CYB5B: variants seen among roughly 807,000 people sequenced by gnomAD.
CYB5B encodes the protein cytochrome b5 type B (outer mitochondrial membrane).
A neutral mutation model predicts 21.3 loss-of-function variants in CYB5B; 14 were observed. The observed-to-expected ratio is 0.66, with a 90% CI of 0.43 to 1.03. The LOEUF (loss-of-function observed/expected upper bound fraction) is 1.03, where lower values mean the gene tolerates loss of function less well. Among genes scored for constraint, CYB5B ranks in the 50% least tolerant of loss-of-function variants. The pLI is 0.00. For missense variants in CYB5B, 166 were observed against 185.1 expected, an observed-to-expected ratio of 0.90 and a Z score of 0.60; for synonymous variants, 69 against 68.4, an observed-to-expected ratio of 1.01 and a Z score of -0.04.
intron 1 of CYB5B, among the ~76,000 whole-genome samples, chr16:69,438,596 T>G (rs1463110796): frequency 1.0e-5 from 1 of 98,128 alleles, no homozygotes; most frequent in Non-Finnish European, 2.3e-5. Flanking sequence ...CGTTATGGTT[T>G]GATTTTCATT....
In CYB5B at chr16:69,465,197, AGCTGCTGCT is replaced by A. The variant is rs762583208; in HGVS notation, c.*2692_*2700del. The stretch of plus-strand genomic sequence containing the variant: ...CGGTTGTTTATTCCTGAGGAAGACT[AGCTGCTGCT>A]GCTGCTGCTGCTGCAAACTGTACTG... On this transcript the variant is annotated 3_prime_UTR_variant, in exon 5 of 5. Transcript: ENST00000307892. 17 of 157,270 alleles carry A rather than the reference AGCTGCTGCT, an allele frequency of 1.1e-4. No homozygotes were observed. The highest frequency in any genetic ancestry group is 9.8e-4 in the Admixed American group (15 of 15,324). The allele number at this position is 157,270 out of a possible 1,614,324, so 9.7% of individuals were successfully genotyped here.
At position 69,431,224 on chromosome 16, in the gene CYB5B, A is replaced by G. The variant is rs1298113064; in HGVS notation, c.174+6367A>G. ...GGCTGGTCTCGAACTCCTGACCTCA[A>G]GTGATCTGCCCACCTTGGCCTCCCA... On this transcript the variant is annotated intron_variant, in intron 1 of 4. Coordinates refer to ENST00000307892, the MANE Select transcript of CYB5B (RefSeq NM_030579.3). Among the ~76,000 whole-genome samples the G allele has an allele frequency of 6.2e-5, 9 of 144,112 alleles. No individual in the cohort carries two copies. The East Asian group carries it at 8.7e-4, about 14-fold the overall frequency. The allele number at this position is 144,112 out of a possible 152,430, so 94.5% of individuals were successfully genotyped here. A position where few individuals can be genotyped will look rare whatever the true frequency, so the allele number is the denominator to read the frequency against.
At chr16:69,449,896 G>A (rs2014915321) in intron 3 of CYB5B, 1 of 152,106 alleles carries the variant, frequency 6.6e-6, no homozygotes, top group African/African-American at 2.4e-5. Flanking sequence ...TAGGCCAAAG[G>A]ATTAGAGATT....
chr16:69,460,249 A>G (rs77145297), intron 4 of CYB5B, among the ~76,000 whole-genome samples: 4,249 of 152,252 alleles, frequency 0.028, 86 homozygotes, highest in East Asian at 0.063. Context: ...AAAAAAACCA[A>G]ACCTTATGCT....
chr16:69,459,266 T>C (rs2015010868), intron 4 of CYB5B, 145 bp downstream of exon 4: 1 of 1,038,268 alleles, frequency 9.6e-7, no homozygotes, highest in Non-Finnish European at 1.4e-6. Flanking sequence ...AATTCAGTTG[T>C]TCCTTGACAT....
intron 3 of CYB5B, among the ~76,000 whole-genome samples, chr16:69,452,146 G>A (rs912219568): frequency 1.3e-5 from 2 of 151,264 alleles, no homozygotes; most frequent in African/African-American, 4.9e-5. Context: ...CGGGCGCGGT[G>A]GCTCAAGCCT....
At position 69,424,872 on chromosome 16, in the gene CYB5B, G is replaced by T; in HGVS notation, c.174+15G>T. ...TCCTCAACGAGGTGGGGCCTGGGAGGTGGGAGGCCTCTGAAGCTGCTGGGG... is the reference window on the plus strand; with the variant it reads ...TCCTCAACGAGGTGGGGCCTGGGAGTTGGGAGGCCTCTGAAGCTGCTGGGG... On this transcript the variant is annotated intron_variant, in intron 1 of 4. Coordinates refer to ENST00000307892, the MANE Select transcript of CYB5B (RefSeq NM_030579.3). 1 of 1,557,896 alleles carries T rather than the reference G, an allele frequency of 6.4e-7. No individual in the cohort carries two copies. The highest frequency in any genetic ancestry group is 8.7e-7 in the Non-Finnish European group (1 of 1,150,078).
chr16:69,461,414 T>C (rs1293922048), intron 4 of CYB5B, among the ~76,000 whole-genome samples: 1 of 152,206 alleles, frequency 6.6e-6, no homozygotes, highest in African/African-American at 2.4e-5. Flanking sequence ...CTGGCTGATA[T>C]TCTAAACTAG....
chr16:69,435,701 G>C (rs35211785), intron 1 of CYB5B, among the ~76,000 whole-genome samples: 26,284 of 151,942 alleles, frequency 0.17, 2,397 homozygotes, highest in Middle Eastern at 0.25. Context: ...GCAGTGGCGC[G>C]GTCTCAGCTC....
Position 69,463,153 on chromosome 16 carries a change from A to T in CYB5B, c.*633A>T, listed in dbSNP as rs979832407. 1 of 152,194 alleles carries T rather than the reference A, an allele frequency of 6.6e-6. No homozygotes were observed. The highest frequency in any genetic ancestry group is 1.5e-5 in the Non-Finnish European group (1 of 68,042). 9.4% of individuals were successfully genotyped at this position (152,194 alleles called of 1,614,324 possible). On this transcript the variant is annotated 3_prime_UTR_variant, in exon 5 of 5. Transcript: ENST00000307892. ...ATTCCTGAAGTAAAGGTTTGCACCT[A>T]TTAAACTTAAAACTGCCAAATGATT...
intron 4 of CYB5B, among the ~76,000 whole-genome samples, chr16:69,459,928 C>T (rs2015018598): frequency 1.3e-5 from 2 of 152,112 alleles, no homozygotes; most frequent in East Asian, 1.9e-4. Flanking sequence ...AAATACAAGC[C>T]ACAAAATTGC....
At chr16:69,442,365 T>G (rs1452644375) in intron 1 of CYB5B, among the ~76,000 whole-genome samples, 1 of 152,112 alleles carries the variant, frequency 6.6e-6, no homozygotes, top group Non-Finnish European at 1.5e-5. Context: ...TGTAAAACAT[T>G]TTTTAAATGG....
At position 69,444,223 on chromosome 16, in the gene CYB5B, A is replaced by G. The variant is rs1302829298; in HGVS notation, c.175-2927A>G. On this transcript the variant is annotated intron_variant, in intron 1 of 4. Transcript: ENST00000307892. ...ATGTAGTGGCAGATCATATCTGAGA[A>G]GAAGCAGATGATAAACATGGGCGGG... The G allele has an allele frequency of 1.9e-5, 3 of 154,790 alleles. No homozygotes were observed. The Admixed American group carries it at 1.9e-4, about 10-fold the overall frequency. 9.6% of individuals were successfully genotyped at this position (154,790 alleles called of 1,614,324 possible). A position where few individuals can be genotyped will look rare whatever the true frequency, so the allele number is the denominator to read the frequency against.
chr16:69,445,720 T>A (rs1021477230), intron 1 of CYB5B, among the ~76,000 whole-genome samples: 1 of 152,100 alleles, frequency 6.6e-6, no homozygotes, highest in African/African-American at 2.4e-5. Context: ...TCCCAGCACT[T>A]TGGGAGGCCG....
chr16:69,427,196 G>C (rs2014656386), intron 1 of CYB5B, among the ~76,000 whole-genome samples: 1 of 151,356 alleles, frequency 6.6e-6, no homozygotes, highest in Non-Finnish European at 1.5e-5. Flanking sequence ...AGATGGTGCT[G>C]CTGCACTCCA....
chr16:69,435,761 C>T (rs2014754213), intron 1 of CYB5B, among the ~76,000 whole-genome samples: 1 of 152,074 alleles, frequency 6.6e-6, no homozygotes, highest in Admixed American at 6.6e-5. Context: ...CCTCAGCCTC[C>T]CGAGTACCTG....
intron 1 of CYB5B, among the ~76,000 whole-genome samples, chr16:69,438,549 T>A (rs1021590532): frequency 7.4e-5 from 11 of 148,790 alleles, no homozygotes; most frequent in African/African-American, 1.5e-4. Flanking sequence ...TTTTTTTTTT[T>A]AATTGTAGCC....
At chr16:69,439,748 GTAGAGA>G (rs2014800501) in intron 1 of CYB5B, among the ~76,000 whole-genome samples, 1 of 151,508 alleles carries the variant, frequency 6.6e-6, no homozygotes. Flanking sequence ...TGTATTTTCA[GTAGAGA>G]TAAAGTTTCA....
At chr16:69,428,215 TG>T (rs2014669235) in intron 1 of CYB5B, among the ~76,000 whole-genome samples, 1 of 152,186 alleles carries the variant, frequency 6.6e-6, no homozygotes, top group Non-Finnish European at 1.5e-5. Context: ...GCCTTTACTA[TG>T]TTCTAGACAC....
Sources: gnomAD v4.1 joint callset for allele counts (sites outside exome capture counted in the v4.1 genomes callset) on GRCh38, gnomAD v4.1.1 for gene constraint, MANE v1.5 for transcripts, NCBI Gene and HGNC (gene_info 2026-07-23, HGNC 2026-07-21) for gene names.